SAMD5: variants seen among roughly 807,000 people sequenced by gnomAD.
SAMD5 encodes sterile alpha motif domain containing 5, also known as sterile alpha motif domain-containing protein 5.
SAMD5 carries 13 observed loss-of-function variants against 11.3 expected under a neutral mutation model. That is an observed-to-expected ratio of 1.15 (90% CI 0.75 to 1.83). SAMD5 has a LOEUF of 1.83. Among genes scored for constraint, SAMD5 ranks in the 40% most tolerant of loss-of-function variants. The pLI is 0.00. For missense variants in SAMD5, 255 were observed against 239.1 expected (o/e 1.07, Z -0.44); for synonymous variants, 129 against 111.3 (o/e 1.16, Z -1.00).
intron 1 of SAMD5, among the ~76,000 whole-genome samples, chr6:147,666,900 A>G (rs1464149356): frequency 2.0e-5 from 3 of 152,054 alleles, no homozygotes; most frequent in South Asian, 2.1e-4. Context: ...CCCTTTCCCT[A>G]TCCGTCAAGC....
intron 1 of SAMD5, among the ~76,000 whole-genome samples, chr6:147,581,716 G>C (rs956222829): frequency 6.6e-6 from 1 of 152,140 alleles, no homozygotes; most frequent in Non-Finnish European, 1.5e-5. Flanking sequence ...CAGTGAGAAC[G>C]GTGTCAGAAC....
intron 1 of SAMD5, among the ~76,000 whole-genome samples, chr6:147,519,604 T>C (rs1562311181): frequency 1.3e-5 from 2 of 152,250 alleles, no homozygotes; most frequent in East Asian, 3.9e-4. Context: ...TATATCATGG[T>C]GTTATTGTTT....
chr6:147,747,611 A>G, the SAMD5 span, among the ~76,000 whole-genome samples: 1 of 152,152 alleles, frequency 6.6e-6, no homozygotes, highest in African/African-American at 2.4e-5. Context: ...CCCTGGCTCA[A>G]GCAATCTTTC....
chr6:147,937,043 A>T, the SAMD5 span, among the ~76,000 whole-genome samples: 1 of 152,276 alleles, frequency 6.6e-6, no homozygotes, highest in East Asian at 1.9e-4. Flanking sequence ...CATGGACCTG[A>T]ATAGTGCCTG....
At chr6:147,909,176 G>A in the SAMD5 span, among the ~76,000 whole-genome samples, 72 of 152,292 alleles carry the variant, frequency 4.7e-4, no homozygotes, top group African/African-American at 1.5e-3. Flanking sequence ...GCCACCACAC[G>A]CCAGCCTAGG....
At chr6:147,577,782 A>G (rs899286189) in intron 1 of SAMD5, among the ~76,000 whole-genome samples, 1 of 151,846 alleles carries the variant, frequency 6.6e-6, no homozygotes, top group African/African-American at 2.4e-5. Flanking sequence ...AGCCATTTTC[A>G]TAAGGAAAAT....
intron 1 of SAMD5, among the ~76,000 whole-genome samples, chr6:147,608,384 C>T (rs1027478052): frequency 3.9e-5 from 6 of 152,174 alleles, no homozygotes; most frequent in Admixed American, 1.3e-4. Flanking sequence ...GACTTGGGAG[C>T]AACCTAAGTG....
chr6:147,680,910 C>T (rs1608533), intron 1 of SAMD5, among the ~76,000 whole-genome samples: 17,452 of 152,074 alleles, frequency 0.11, 1,088 homozygotes, highest in African/African-American at 0.16. Flanking sequence ...AGTTTCGTTA[C>T]ATAGTTTTGC....
the SAMD5 span, among the ~76,000 whole-genome samples, chr6:147,878,665 A>G: frequency 6.7e-6 from 1 of 149,342 alleles, no homozygotes; most frequent in African/African-American, 2.5e-5. Flanking sequence ...ATGTATCTAT[A>G]TATCTATATG....
intron 1 of SAMD5, among the ~76,000 whole-genome samples, chr6:147,584,949 A>C (rs1789353140): frequency 6.6e-6 from 1 of 152,192 alleles, no homozygotes; most frequent in African/African-American, 2.4e-5. Context: ...GTTACAAACC[A>C]ATGGTCCTTA....
the SAMD5 span, among the ~76,000 whole-genome samples, chr6:147,816,301 A>AAAAAAAAATATAT: frequency 1.4e-4 from 9 of 66,356 alleles, no homozygotes; most frequent in African/African-American, 5.1e-4. Flanking sequence ...AAAAAAAAAA[A>AAAAAAAAATATAT]ATATATATAT....
At chr6:147,638,387 A>G (rs1250349394) in intron 1 of SAMD5, among the ~76,000 whole-genome samples, 1 of 152,174 alleles carries the variant, frequency 6.6e-6, no homozygotes, top group Non-Finnish European at 1.5e-5. Context: ...CTAAATATAT[A>G]CTTTGGCAAT....
chr6:147,562,463 A>G (rs1788966004), intron 1 of SAMD5, among the ~76,000 whole-genome samples: 1 of 152,184 alleles, frequency 6.6e-6, no homozygotes, highest in Non-Finnish European at 1.5e-5. Flanking sequence ...GTTTTCTTGT[A>G]CTGTATAGTA....
intron 1 of SAMD5, among the ~76,000 whole-genome samples, chr6:147,510,494 C>T (rs1201301406): frequency 6.6e-6 from 1 of 152,172 alleles, no homozygotes; most frequent in African/African-American, 2.4e-5. Flanking sequence ...ACATACTCAG[C>T]TGGTGGGCCA....
chr6:147,627,455 A>G (rs1790072386), intron 1 of SAMD5, among the ~76,000 whole-genome samples: 1 of 152,196 alleles, frequency 6.6e-6, no homozygotes, highest in Non-Finnish European at 1.5e-5. Context: ...AGGAACTGGG[A>G]AAAAATAGTG....
intron 1 of SAMD5, among the ~76,000 whole-genome samples, chr6:147,613,628 C>T (rs143604363): frequency 6.6e-6 from 1 of 151,652 alleles, no homozygotes; most frequent in African/African-American, 2.4e-5. Flanking sequence ...AGTGAATTCA[C>T]TAACACAAGA....
intron 1 of SAMD5, among the ~76,000 whole-genome samples, chr6:147,727,431 C>T (rs1176259998): frequency 6.6e-6 from 1 of 152,162 alleles, no homozygotes; most frequent in African/African-American, 2.4e-5. Context: ...GGCATTGAAG[C>T]TAATTGTCTG....
At chr6:147,904,354 G>A in the SAMD5 span, among the ~76,000 whole-genome samples, 3 of 152,146 alleles carry the variant, frequency 2.0e-5, no homozygotes, top group African/African-American at 4.8e-5. Context: ...TCTAGCTCTA[G>A]TCCTATGGCT....
chr6:147,658,966 G>A (rs1364269950), intron 1 of SAMD5, among the ~76,000 whole-genome samples: 1 of 152,180 alleles, frequency 6.6e-6, no homozygotes, highest in African/African-American at 2.4e-5. Context: ...TTATTCCAGA[G>A]CCTGAACTAC....
Sources: allele counts gnomAD v4.1 joint callset (sites outside exome capture counted in the v4.1 genomes callset), GRCh38; gene constraint gnomAD v4.1.1; transcripts MANE v1.5; gene names NCBI Gene and HGNC (gene_info 2026-07-23, HGNC 2026-07-21).